USP19: variants seen among roughly 807,000 people sequenced by gnomAD.
USP19 encodes the protein ubiquitin carboxyl-terminal hydrolase 19.
A neutral mutation model predicts 144.8 loss-of-function variants in USP19; 40 were observed. The ratio of observed to expected loss-of-function variants is 0.28; its 90% CI spans 0.21 to 0.36. The LOEUF is 0.36. USP19 is among the 10% of genes least tolerant of loss of function. USP19 has a pLI of 1.00. For synonymous variants in USP19, 701 were observed against 709.3 expected, an observed-to-expected ratio of 0.99 and a Z score of 0.19; for missense variants, 1,518 against 1,822.5, an observed-to-expected ratio of 0.83 and a Z score of 3.04.
chr3:49,115,134 A>G lies in USP19; in HGVS notation c.2023-17T>C. ...CACAATGGCCTGGATACAGGAGCCA[A>G]GGTGTGAACATGAAGCCCTAGCACC... On this transcript the variant is annotated splice_polypyrimidine_tract_variant and intron_variant, in intron 13 of 26. Coordinates refer to ENST00000417901, the MANE Select transcript of USP19 (RefSeq NM_001199161.2). This position sits in a 1 kb window ranked among gnomAD's most constrained non-coding sequence, Gnocchi z 6.6. The G allele has an allele frequency of 6.2e-7, 1 of 1,613,220 alleles. No individual in the cohort carries two copies. Among genetic ancestry groups the G allele is most frequent in the South Asian group, 1.1e-5 (1 of 91,070 alleles).
chr3:49,118,782 A>T (rs1351266983), intron 2 of USP19, among the ~76,000 whole-genome samples: 4 of 152,142 alleles, frequency 2.6e-5, no homozygotes, highest in African/African-American at 9.7e-5. Flanking sequence ...GTTCAAAAAA[A>T]AGAAAAAAGT....
chr3:49,113,567 C>T lies in USP19; in HGVS notation c.2505+425G>A, dbSNP rs898770629. On this transcript the variant is annotated intron_variant, in intron 17 of 26. Transcript: ENST00000417901. ...AGCTGGGATTACAGGCATGAGCCACCACGCCTGGCCCTATTTTTATTTTTT... is the reference window on the plus strand; with the variant it reads ...AGCTGGGATTACAGGCATGAGCCACTACGCCTGGCCCTATTTTTATTTTTT... Among the ~76,000 whole-genome samples the T allele has an allele frequency of 4.7e-5, 7 of 149,334 alleles. 1 individual carries two copies. Among genetic ancestry groups the T allele is most frequent in the Admixed American group, 2.7e-4 (4 of 14,886 alleles).
chr3:49,115,552 C>T lies in USP19; in HGVS notation c.1780G>A (p.Val594Met), dbSNP rs1674450576. ...VEEEEEEEKK[V>M]CLPGFTGLVN... is the part of the protein sequence containing the mutation. ...AGGCCAGTGAAGCCTGGCAGACACA[C>T]CTTCTTCTCTTCCTCTTCCTCCTCC... The change falls in exon 12 of 27, where the codon GTG becomes ATG. Residue 594 changes from valine (V) to methionine (M), a missense_variant. Physicochemically the swap from Val to Met is conservative, Grantham distance 21. Transcript: ENST00000417901. This position sits in a 1 kb window ranked among gnomAD's most constrained non-coding sequence, Gnocchi z 6.6. The T allele has an allele frequency of 6.2e-7, 1 of 1,613,976 alleles. No homozygotes were observed. The highest frequency in any genetic ancestry group is 1.3e-5 in the African/African-American group (1 of 74,940).
rs1479760856 is a variant in USP19 at position 49,108,675 on chromosome 3, G to A, written c.4039-147C>T. On this transcript the variant is annotated intron_variant, in intron 26 of 26. Coordinates refer to ENST00000417901, the MANE Select transcript of USP19 (RefSeq NM_001199161.2). This position sits in a 1 kb window ranked among gnomAD's most constrained non-coding sequence, Gnocchi z 4.8. ...GGCGTTGAGACAGAGAGACGAGATT[G>A]GGCCTGAATAGTCTGGTTTTATTAA... is the stretch of plus-strand genomic sequence containing the variant. 7.7e-6 allele frequency: 10 copies of A among 1,293,436 alleles called. No individual in the cohort carries two copies. Among genetic ancestry groups the A allele is most frequent in the African/African-American group, 1.5e-5 (1 of 65,414 alleles). The allele number at this position is 1,293,436 out of a possible 1,614,324, so 80.1% of individuals were successfully genotyped here.
chr3:49,117,884 G>A lies in USP19; in HGVS notation c.299-54C>T. ...CCAGCCTAATGAAACTGCTTCAGAT[G>A]GGAGCCAAATTGCAAGTGCCCCCTC... On this transcript the variant is annotated intron_variant, in intron 3 of 26. Transcript: ENST00000417901. The surrounding 1 kb of genome is among the most constrained non-coding windows in gnomAD (Gnocchi z 4.4). The A allele has an allele frequency of 2.5e-6, 4 of 1,613,186 alleles. No individual in the cohort carries two copies. The highest frequency in any genetic ancestry group is 3.4e-6 in the Non-Finnish European group (4 of 1,179,730).
In USP19 at chr3:49,111,779, G is replaced by T; in HGVS notation, c.2938C>A (p.Pro980Thr). 1 of 1,556,094 alleles carries T rather than the reference G, an allele frequency of 6.4e-7. No individual in the cohort carries two copies. ...SVSVFQPPFQ[P>T]GRMALESQSP... ...TGAGACTCCAAGGCCATGCGGCCTGGCTGAAAGGGTGGCTGGAATACACTC... is the reference window on the plus strand; with the variant it reads ...TGAGACTCCAAGGCCATGCGGCCTGTCTGAAAGGGTGGCTGGAATACACTC... The change falls in exon 21 of 27, where the codon CCA (proline) becomes ACA (threonine). Residue 980 changes from proline to threonine, a missense_variant. Coordinates refer to ENST00000417901, the MANE Select transcript of USP19 (RefSeq NM_001199161.2). The surrounding 1 kb of genome is among the most constrained non-coding windows in gnomAD (Gnocchi z 5.9).
chr3:49,119,590 C>T (rs1010825968), intron 1 of USP19, among the ~76,000 whole-genome samples: 1 of 152,216 alleles, frequency 6.6e-6, no homozygotes, highest in Admixed American at 6.5e-5. Flanking sequence ...AGAGGAGCCA[C>T]GGCTCCAGCC....
chr3:49,114,055 G>A lies in USP19; in HGVS notation c.2442C>T (p.Ser814=), dbSNP rs780222855. ...TCTGAGAGAGGGAGTCCAATACTTC[G>A]CTCGCAGTGGAGTTCTCCTTGCTGA... ...VSVSKENSTA[S]EVLDSLSQSV... is the part of the protein sequence containing the mutation. Residue 814 remains serine (S), a synonymous_variant, in exon 17 of 27, where the codon AGC becomes AGT. Coordinates refer to ENST00000417901, the MANE Select transcript of USP19 (RefSeq NM_001199161.2). This position sits in a 1 kb window ranked among gnomAD's most constrained non-coding sequence, Gnocchi z 4.5. 6.8e-6 allele frequency: 11 copies of A among 1,614,210 alleles called. No individual in the cohort carries two copies. Among genetic ancestry groups the A allele is most frequent in the Admixed American group, 1.7e-5 (1 of 60,030 alleles).
At position 49,116,534 on chromosome 3, in the gene USP19, C is replaced by T; in HGVS notation, c.1200G>A (p.Val400=). Residue 400 remains valine, a synonymous_variant, in exon 8 of 27, where the codon GTG becomes GTA. Transcript: ENST00000417901. The surrounding 1 kb of genome is among the most constrained non-coding windows in gnomAD (Gnocchi z 5.0). ...TGCAGATCTCCTTCACGTACACGTG[C>T]ACCACCACTGAATCCGGGCCCTTCT... is the stretch of plus-strand genomic sequence containing the variant. ...SYEKGPDSVV[V]HVYVKEICRD... is the part of the protein sequence containing the mutation. 1.2e-6 allele frequency: 2 copies of T among 1,614,232 alleles called. No homozygotes were observed. The highest frequency in any genetic ancestry group is 1.7e-6 in the Non-Finnish European group (2 of 1,180,040).
Position 49,117,824 on chromosome 3 carries a change from C to G in USP19, c.305G>C (p.Cys102Ser). The change falls in exon 4 of 27, where the codon TGT becomes TCT. Residue 102 changes from cysteine to serine, a missense_variant. This residue lies in a region of USP19 where 707 missense variants were observed against 728.9 expected (regional missense o/e 0.97). Transcript: ENST00000417901. This position sits in a 1 kb window ranked among gnomAD's most constrained non-coding sequence, Gnocchi z 4.4. ...AGCCAAGAGATCATGAGGGTCTTCACAAGCTCCTGATGGTGATAAGCAGGT... is the reference window on the plus strand; with the variant it reads ...AGCCAAGAGATCATGAGGGTCTTCAGAAGCTCCTGATGGTGATAAGCAGGT... ...PQEEQTKEGA[C>S]EDPHDLLATP... 6.2e-7 allele frequency: 1 copy of G among 1,614,186 alleles called. No homozygotes were observed. The highest frequency in any genetic ancestry group is 8.5e-7 in the Non-Finnish European group (1 of 1,180,018).
chr3:49,119,427 G>A (rs2044759522), intron 1 of USP19, 146 bp from the exon 2 acceptor site: 3 of 330,786 alleles, frequency 9.1e-6, no homozygotes, highest in East Asian at 5.8e-5. Flanking sequence ...AGGATATTCT[G>A]AAGAGGTAAT....
Position 49,116,702 on chromosome 3 carries a change from T to C in USP19, c.1126+25A>G. On this transcript the variant is annotated intron_variant, in intron 7 of 26. Coordinates refer to ENST00000417901, the MANE Select transcript of USP19 (RefSeq NM_001199161.2). This position sits in a 1 kb window ranked among gnomAD's most constrained non-coding sequence, Gnocchi z 5.0. ...CAAACTTTGCAACCCAACCTAGGGC[T>C]CTGCCTGCCCACCCCCACCTTTACC... The C allele has an allele frequency of 1.2e-6, 2 of 1,607,434 alleles. No individual in the cohort carries two copies. The highest frequency in any genetic ancestry group is 2.2e-5 in the South Asian group (2 of 90,168).
At chr3:49,109,044 A>T in intron 26 of USP19, 1 of 1,613,180 alleles carries the variant, frequency 6.2e-7, no homozygotes, top group Non-Finnish European at 8.5e-7. Context: ...AGGACAAAGT[A>T]CCGGAGGCAG....
chr3:49,113,947 C>A (rs2107404530), intron 17 of USP19, 45 bp downstream of exon 17: 1 of 1,588,686 alleles, frequency 6.3e-7, no homozygotes, highest in African/African-American at 1.3e-5. Context: ...GGTGAGTACA[C>A]ACACACATCC....
chr3:49,117,944 G>C lies in USP19; in HGVS notation c.298+3C>G, dbSNP rs767985831. 1.2e-6 allele frequency: 2 copies of C among 1,613,120 alleles called. No homozygotes were observed. Among genetic ancestry groups the C allele is most frequent in the African/African-American group, 1.3e-5 (1 of 74,878 alleles). On this transcript the variant is annotated splice_donor_region_variant and intron_variant, in intron 3 of 26. Coordinates refer to ENST00000417901, the MANE Select transcript of USP19 (RefSeq NM_001199161.2). This position sits in a 1 kb window ranked among gnomAD's most constrained non-coding sequence, Gnocchi z 4.4. The stretch of plus-strand genomic sequence containing the variant: ...AGCAACAAAAAGCCCATTCGTTACT[G>C]ACCCTCTTTGGTCTGCTCCTCTTGA...
At position 49,111,917 on chromosome 3, in the gene USP19, T is replaced by C. The variant is rs534658521; in HGVS notation, c.2897A>G (p.Tyr966Cys). The change falls in exon 20 of 27, where the codon TAT becomes TGT. Residue 966 changes from tyrosine to cysteine, a missense_variant. Physicochemically the swap from Tyr to Cys is radical, Grantham distance 194. This residue lies in a region of USP19 where 413 missense variants were observed against 515.8 expected (regional missense o/e 0.80). Transcript: ENST00000417901. This position sits in a 1 kb window ranked among gnomAD's most constrained non-coding sequence, Gnocchi z 5.9. ...CCAACCACTGGGCACTTACCGGGCA[T>C]AGCCCTCTAGCAACTGAGCGAGGCG... ...YARLAQLLEG[Y>C]ARYSVSVFQP... The C allele has an allele frequency of 2.5e-6, 4 of 1,614,028 alleles. No homozygotes were observed. Among genetic ancestry groups the C allele is most frequent in the South Asian group, 1.1e-5 (1 of 91,084 alleles).
In USP19 at chr3:49,117,107, AG is replaced by A; in HGVS notation, c.860del (p.Pro287LeufsTer29). The A allele has an allele frequency of 6.5e-7, 1 of 1,531,854 alleles. No homozygotes were observed. The highest frequency in any genetic ancestry group is 8.8e-7 in the Non-Finnish European group (1 of 1,136,794). The allele number at this position is 1,531,854 out of a possible 1,614,324, so 94.9% of individuals were successfully genotyped here. On this transcript the variant is annotated frameshift_variant, in exon 6 of 27. Coordinates refer to ENST00000417901, the MANE Select transcript of USP19 (RefSeq NM_001199161.2). LOFTEE classifies it high-confidence loss of function. The surrounding 1 kb of genome is among the most constrained non-coding windows in gnomAD (Gnocchi z 4.4). The stretch of plus-strand genomic sequence containing the variant: ...AGGGTGGGGCATCACCCCGGGGTCC[AG>A]GGTCATCCCTGGACCCGTCCCCCTC... The part of the protein sequence containing the change: ...GPEGDGSRDD[P>X]GPRGDAPPFV...
At position 49,114,408 on chromosome 3, in the gene USP19, C is replaced by T; in HGVS notation, c.2293-124G>A. 1 of 863,310 alleles carries T rather than the reference C, an allele frequency of 1.2e-6. No homozygotes were observed. The highest frequency in any genetic ancestry group is 1.8e-6 in the Non-Finnish European group (1 of 552,246). The allele number at this position is 863,310 out of a possible 1,614,324, so 53.5% of individuals were successfully genotyped here. A position where few individuals can be genotyped will look rare whatever the true frequency, so the allele number is the denominator to read the frequency against. On this transcript the variant is annotated intron_variant, in intron 15 of 26. Coordinates refer to ENST00000417901, the MANE Select transcript of USP19 (RefSeq NM_001199161.2). The surrounding 1 kb of genome is among the most constrained non-coding windows in gnomAD (Gnocchi z 4.5). The stretch of plus-strand genomic sequence containing the variant: ...GGCCCCCACAGCCAACCAGCAAACT[C>T]TCAGGCTTCAGGACACTAGACAGGG...
chr3:49,116,041 G>A lies in USP19; in HGVS notation c.1471+6C>T, dbSNP rs1560027480. On this transcript the variant is annotated splice_donor_region_variant and intron_variant, in intron 10 of 26. Transcript: ENST00000417901. The surrounding 1 kb of genome is among the most constrained non-coding windows in gnomAD (Gnocchi z 5.0). ...ACTGGGCAATGAAGGGAGCTCGTGT[G>A]CAGACCTCGTGCAGCCGGGGCCTCC... 1 of 1,594,080 alleles carries A rather than the reference G, an allele frequency of 6.3e-7. No individual in the cohort carries two copies. The highest frequency in any genetic ancestry group is 8.5e-7 in the Non-Finnish European group (1 of 1,174,222).
Sources: gnomAD v4.1 joint callset for allele counts (sites outside exome capture counted in the v4.1 genomes callset) on GRCh38, gnomAD v4.1.1 for gene constraint, gnomAD v4.1.1 regional missense constraint, Gnocchi (gnomAD v3.1) non-coding constraint, MANE v1.5 for transcripts, NCBI Gene and HGNC (gene_info 2026-07-23, HGNC 2026-07-21) for gene names.